The following ZNF395 variants were observed in gnomAD, a reference collection of about 807,000 sequenced individuals.
The protein encoded by ZNF395 is zinc finger protein 395, also known as HD gene regulatory region-binding protein 2.
Under a neutral mutation model 57.7 loss-of-function variants are expected in ZNF395, and 20 were observed. That is an observed-to-expected ratio of 0.35 (90% CI 0.24 to 0.50). ZNF395 has a LOEUF of 0.50. Ranked by LOEUF, ZNF395 falls within the 20% of genes least tolerant of loss-of-function variation. The pLI, the probability that ZNF395 is intolerant of heterozygous loss-of-function variation, is 0.97. For synonymous variants in ZNF395, 295 were observed against 275.9 expected (o/e 1.07, Z -0.69); for missense variants, 606 against 671.2 (o/e 0.90, Z 1.07).
intron 1 of ZNF395, among the ~76,000 whole-genome samples, chr8:28,361,818 G>A (rs1585856826): frequency 1.3e-5 from 2 of 152,142 alleles, no homozygotes; most frequent in African/African-American, 2.4e-5. Context: ...TTGGCCGGGC[G>A]TGGTGGCTCA....
chr8:28,363,279 G>T (rs1306866262), intron 1 of ZNF395, among the ~76,000 whole-genome samples: 1 of 152,036 alleles, frequency 6.6e-6, no homozygotes, highest in Non-Finnish European at 1.5e-5. Context: ...CCACAGGTGT[G>T]CGCTACCACG....
At chr8:28,367,330 G>T (rs1305929197) in intron 1 of ZNF395, among the ~76,000 whole-genome samples, 3 of 152,114 alleles carry the variant, frequency 2.0e-5, no homozygotes, top group African/African-American at 7.2e-5. Context: ...CTAAGTAATA[G>T]ATGTAATACA....
intron 1 of ZNF395, among the ~76,000 whole-genome samples, chr8:28,366,674 A>G (rs1259568364): frequency 6.6e-6 from 1 of 152,134 alleles, no homozygotes. Context: ...GTATATGCAA[A>G]TATGTTTATG....
At chr8:28,382,375 A>G (rs1802119885) in intron 1 of ZNF395, among the ~76,000 whole-genome samples, 2 of 152,140 alleles carry the variant, frequency 1.3e-5, no homozygotes, top group African/African-American at 2.4e-5. Flanking sequence ...ATGTGACCCC[A>G]GCCCACTTTA....
chr8:28,357,643 C>A (rs1259570137), intron 3 of ZNF395, among the ~76,000 whole-genome samples: 1 of 152,202 alleles, frequency 6.6e-6, no homozygotes, highest in Non-Finnish European at 1.5e-5. Context: ...ACTATTAAAA[C>A]GTGAAACACA....
rs1801726804 is a variant in ZNF395, at chr8:28,352,370, C to T, written c.920+203G>A. On this transcript the variant is annotated intron_variant, in intron 6 of 9. Coordinates refer to ENST00000344423, the MANE Select transcript of ZNF395 (RefSeq NM_018660.3). This position sits in a 1 kb window ranked among gnomAD's most constrained non-coding sequence, Gnocchi z 4.0. ...GCAATGAGGCAAGAAGACACATCCC[C>T]AAGATGGACAGAGCTCCCTTCCCAT... Among the ~76,000 whole-genome samples, 1 of 152,220 alleles carries T rather than the reference C, an allele frequency of 6.6e-6. No individual in the cohort carries two copies. The highest frequency in any genetic ancestry group is 1.5e-5 in the Non-Finnish European group (1 of 68,036).
intron 1 of ZNF395, among the ~76,000 whole-genome samples, chr8:28,368,181 G>A (rs573798409): frequency 1.3e-5 from 2 of 152,290 alleles, no homozygotes; most frequent in Admixed American, 1.3e-4. Flanking sequence ...GCCAGGACTG[G>A]AGGGAGGGAA....
chr8:28,382,366 T>C (rs1376339998), intron 1 of ZNF395, among the ~76,000 whole-genome samples: 1 of 152,202 alleles, frequency 6.6e-6, no homozygotes, highest in Non-Finnish European at 1.5e-5. Context: ...TTGCCCTATA[T>C]GTGACCCCAG....
intron 1 of ZNF395, among the ~76,000 whole-genome samples, chr8:28,380,763 T>C (rs550086620): frequency 6.6e-6 from 1 of 152,350 alleles, no homozygotes; most frequent in South Asian, 2.1e-4. Flanking sequence ...TTTGATACGA[T>C]TCAGCTGGCT....
At chr8:28,375,856 G>A (rs554872056) in intron 1 of ZNF395, among the ~76,000 whole-genome samples, 1 of 152,218 alleles carries the variant, frequency 6.6e-6, no homozygotes, top group African/African-American at 2.4e-5. Flanking sequence ...AAGAGGAGAG[G>A]GAGTTTTCAA....
intron 1 of ZNF395, among the ~76,000 whole-genome samples, chr8:28,379,011 G>A (rs1202499538): frequency 2.6e-5 from 4 of 152,230 alleles, no homozygotes; most frequent in Non-Finnish European, 5.9e-5. Context: ...AAGGAATCAT[G>A]TAATCATGCC....
At chr8:28,381,787 A>C (rs1802112803) in intron 1 of ZNF395, among the ~76,000 whole-genome samples, 1 of 152,206 alleles carries the variant, frequency 6.6e-6, no homozygotes, top group African/African-American at 2.4e-5. Flanking sequence ...CCTGCCAGCC[A>C]GAAGCGGAAA....
intron 1 of ZNF395, among the ~76,000 whole-genome samples, chr8:28,380,242 A>G (rs1024329665): frequency 2.6e-5 from 4 of 152,236 alleles, no homozygotes; most frequent in African/African-American, 9.6e-5. Context: ...CAGAAGTGGT[A>G]TTATCTTATC....
At chr8:28,376,793 T>G (rs1563342894) in intron 1 of ZNF395, among the ~76,000 whole-genome samples, 1 of 152,142 alleles carries the variant, frequency 6.6e-6, no homozygotes, top group Non-Finnish European at 1.5e-5. Context: ...TGTACAAAAA[T>G]TTTCAACTCT....
At chr8:28,351,842 AC>A in intron 6 of ZNF395, 35 bp from the exon 7 acceptor site, 2 of 1,511,334 alleles carry the variant, frequency 1.3e-6, no homozygotes, top group Non-Finnish European at 1.8e-6. Context: ...AATCAGGGGC[AC>A]CCTGCCCCCT....
chr8:28,383,746 C>T lies in ZNF395; in HGVS notation c.-59+2647G>A, dbSNP rs1015428702. On this transcript the variant is annotated intron_variant, in intron 1 of 9. Transcript: ENST00000344423. ...CCAGCAGCCTCCCCACTTCTCTGAG[C>T]CCCTTCCCTCTCCCGGCATCTGTAG... Among the ~76,000 whole-genome samples, 7 of 152,102 alleles carry T rather than the reference C, an allele frequency of 4.6e-5. No homozygotes were observed. In the South Asian group the frequency reaches 1.0e-3, roughly 23 times the overall value.
intron 1 of ZNF395, among the ~76,000 whole-genome samples, chr8:28,380,706 T>A (rs1802098269): frequency 6.6e-6 from 1 of 152,260 alleles, no homozygotes; most frequent in African/African-American, 2.4e-5. Flanking sequence ...TGCACTATTC[T>A]CTGGCCTAGT....
At chr8:28,370,850 G>A (rs1029130574) in intron 1 of ZNF395, among the ~76,000 whole-genome samples, 3 of 152,290 alleles carry the variant, frequency 2.0e-5, no homozygotes, top group Middle Eastern at 3.4e-3. Flanking sequence ...GCAGTAGGAT[G>A]TTCCCAAGAA....
rs796341833 is a variant in ZNF395 at position 28,359,094 on chromosome 8, GGAAAA to G, written c.473+493_473+497del. ...GGTACATTGCCCATAATAGAGCTAT[GGAAAA>G]GAAAAGACGCCACTCGGCCAGGCAT... On this transcript the variant is annotated intron_variant, in intron 3 of 9. Coordinates refer to ENST00000344423, the MANE Select transcript of ZNF395 (RefSeq NM_018660.3). The surrounding 1 kb of genome is among the most constrained non-coding windows in gnomAD (Gnocchi z 4.7). Among the ~76,000 whole-genome samples the G allele has an allele frequency of 7.2e-4, 110 of 152,258 alleles. No individual in the cohort carries two copies. The highest frequency in any genetic ancestry group is 2.5e-3 in the African/African-American group (104 of 41,556).
Sources: gnomAD v4.1 joint callset for allele counts (sites outside exome capture counted in the v4.1 genomes callset) on GRCh38, gnomAD v4.1.1 for gene constraint, Gnocchi (gnomAD v3.1) non-coding constraint, MANE v1.5 for transcripts, NCBI Gene and HGNC (gene_info 2026-07-23, HGNC 2026-07-21) for gene names.